Variants in RUNX1T1 observed in about 807,000 individuals in gnomAD.
RUNX1T1 encodes the protein RUNX1 partner transcriptional co-repressor 1, also known as protein CBFA2T1.
Under a neutral mutation model 62.8 loss-of-function variants are expected in RUNX1T1, and 4 were observed. That is an observed-to-expected ratio of 0.06 (90% CI 0.03 to 0.15). The LOEUF (loss-of-function observed/expected upper bound fraction) is 0.15. Ranked by LOEUF, RUNX1T1 falls within the 10% of genes least tolerant of loss-of-function variation. The pLI is 1.00. For synonymous variants in RUNX1T1, 291 were observed against 286.0 expected, an observed-to-expected ratio of 1.02 and a Z score of -0.18; for missense variants, 508 against 754.3, an observed-to-expected ratio of 0.67 and a Z score of 3.82.
chr8:92,095,246 G>A, intron 1 of RUNX1T1: 9 of 1,523,232 alleles, frequency 5.9e-6, no homozygotes, highest in Non-Finnish European at 7.0e-6. Flanking sequence ...ATTTGGAAAG[G>A]GAGAGAGGGA....
chr8:91,963,869 C>T (rs1247595117), intron 10 of RUNX1T1, among the ~76,000 whole-genome samples: 1 of 152,154 alleles, frequency 6.6e-6, no homozygotes, highest in African/African-American at 2.4e-5. Context: ...GGAGTGATGT[C>T]ACTGAAATTA....
chr8:92,088,798 C>T (rs1037304172), intron 1 of RUNX1T1, among the ~76,000 whole-genome samples: 2 of 152,178 alleles, frequency 1.3e-5, no homozygotes, highest in African/African-American at 2.4e-5. Flanking sequence ...TTCATATTAT[C>T]GGTGGCCACC....
chr8:91,996,004 C>T (rs921041226), intron 5 of RUNX1T1, among the ~76,000 whole-genome samples: 2 of 152,178 alleles, frequency 1.3e-5, no homozygotes, highest in South Asian at 2.1e-4. Context: ...CTCATTTGCT[C>T]GGTTGAACTC....
At chr8:92,099,209 T>C (rs537579385) in intron 1 of RUNX1T1, among the ~76,000 whole-genome samples, 7 of 152,326 alleles carry the variant, frequency 4.6e-5, no homozygotes, top group Non-Finnish European at 8.8e-5. Context: ...AATAAATTTT[T>C]TTCTTATAGA....
intron 1 of RUNX1T1, among the ~76,000 whole-genome samples, chr8:92,085,643 G>T (rs117739325): frequency 6.6e-6 from 1 of 151,992 alleles, no homozygotes; most frequent in Non-Finnish European, 1.5e-5. Context: ...CTCCAAATAT[G>T]GTTAAAGTTC....
intron 1 of RUNX1T1, among the ~76,000 whole-genome samples, chr8:92,079,733 G>T (rs1834953401): frequency 6.6e-6 from 1 of 152,004 alleles, no homozygotes; most frequent in African/African-American, 2.4e-5. Flanking sequence ...CCATCACTTG[G>T]CACTCATCTA....
intron 8 of RUNX1T1, among the ~76,000 whole-genome samples, chr8:91,985,182 C>T (rs1816291211): frequency 6.6e-6 from 1 of 152,128 alleles, no homozygotes; most frequent in South Asian, 2.1e-4. Flanking sequence ...GGGGCCAACG[C>T]ATAAGATAAT....
chr8:91,967,743 G>C (rs994123241), intron 10 of RUNX1T1, among the ~76,000 whole-genome samples: 22 of 152,148 alleles, frequency 1.4e-4, no homozygotes, highest in Non-Finnish European at 2.1e-4. Flanking sequence ...CCCTATGAAG[G>C]AAAGAGAATA....
chr8:91,979,143 T>C (rs1814629389), intron 8 of RUNX1T1, among the ~76,000 whole-genome samples: 1 of 152,196 alleles, frequency 6.6e-6, no homozygotes, highest in South Asian at 2.1e-4. Flanking sequence ...CTCAGAAATC[T>C]ATTTGATACC....
At chr8:92,090,948 C>T (rs1027570228) in intron 1 of RUNX1T1, among the ~76,000 whole-genome samples, 12 of 152,270 alleles carry the variant, frequency 7.9e-5, no homozygotes, top group Middle Eastern at 3.4e-3. Flanking sequence ...AGGACAGGCT[C>T]ATAGTAGGTC....
intron 1 of RUNX1T1, among the ~76,000 whole-genome samples, chr8:92,034,398 C>T (rs949007068): frequency 2.6e-5 from 4 of 152,046 alleles, no homozygotes; most frequent in Admixed American, 1.3e-4. Context: ...ATGGAACCCA[C>T]CCCATAAAGC....
At chr8:91,970,829 C>A in exon 10 of RUNX1T1, 1 of 1,610,230 alleles carries the variant, frequency 6.2e-7, no homozygotes, top group Non-Finnish European at 8.5e-7. Flanking sequence ...CCTGGCGCTT[C>A]ACCTCATTGA....
At chr8:92,063,287 C>T (rs190370309), upstream of RUNX1T1, among the ~76,000 whole-genome samples, 12 of 152,186 alleles carry the variant, frequency 7.9e-5, no homozygotes, top group Admixed American at 3.9e-4. Context: ...GAAGCTGAGC[C>T]GACCACTTTT....
chr8:92,044,562 G>A (rs920488632), intron 1 of RUNX1T1, among the ~76,000 whole-genome samples: 2 of 152,178 alleles, frequency 1.3e-5, no homozygotes, highest in African/African-American at 4.8e-5. Context: ...GTTCCATTGC[G>A]GGACTCTATT....
chr8:92,001,353 A>G (rs1219312216), intron 5 of RUNX1T1, among the ~76,000 whole-genome samples: 1 of 152,122 alleles, frequency 6.6e-6, no homozygotes, highest in Non-Finnish European at 1.5e-5. Context: ...AACATTGCAG[A>G]CCATGCCTAA....
chr8:92,008,749 G>A (rs1821369539), intron 4 of RUNX1T1, among the ~76,000 whole-genome samples: 1 of 152,070 alleles, frequency 6.6e-6, no homozygotes, highest in Non-Finnish European at 1.5e-5. Flanking sequence ...TAGTACTTCT[G>A]GAGAGAAGTT....
At chr8:92,084,406 G>A (rs115516053) in intron 1 of RUNX1T1, among the ~76,000 whole-genome samples, 90 of 152,026 alleles carry the variant, frequency 5.9e-4, no homozygotes, top group East Asian at 5.8e-3. Context: ...ACAAGAGAAC[G>A]CAATGAAAGC....
At chr8:92,093,921 G>A (rs750417180) in intron 1 of RUNX1T1, among the ~76,000 whole-genome samples, 1 of 152,162 alleles carries the variant, frequency 6.6e-6, no homozygotes. Flanking sequence ...AATTAAAGAT[G>A]TTCCTAAGAC....
chr8:92,060,010 A>T (rs1831652708), intron 1 of RUNX1T1, among the ~76,000 whole-genome samples: 1 of 152,176 alleles, frequency 6.6e-6, no homozygotes. Flanking sequence ...TTTGTAGGTC[A>T]ACATATGTTC....
Sources: allele counts gnomAD v4.1 joint callset (sites outside exome capture counted in the v4.1 genomes callset), GRCh38; gene constraint gnomAD v4.1.1; transcripts MANE v1.5; gene names NCBI Gene and HGNC (gene_info 2026-07-23, HGNC 2026-07-21).